The following SPMIP2 variants were observed in gnomAD, a reference collection of about 807,000 sequenced individuals.
SPMIP2 encodes sperm microtubule inner protein 2.
At chr4:158,985,921 G>A in the SPMIP2 span, among the ~76,000 whole-genome samples, 1 of 150,504 alleles carries the variant, frequency 6.6e-6, no homozygotes, top group South Asian at 2.1e-4. Context: ...AAGCTGATAA[G>A]CAACTTCAGA....
chr4:159,027,683 T>C, the SPMIP2 span, among the ~76,000 whole-genome samples: 1 of 152,218 alleles, frequency 6.6e-6, no homozygotes, highest in African/African-American at 2.4e-5. Flanking sequence ...GGCAATTCAG[T>C]GTGAAGTCAT....
At chr4:158,937,766 C>T in the SPMIP2 span, among the ~76,000 whole-genome samples, 1 of 152,166 alleles carries the variant, frequency 6.6e-6, no homozygotes, top group Non-Finnish European at 1.5e-5. Context: ...GTAATATAGA[C>T]TCATGGCAAA....
the SPMIP2 span, among the ~76,000 whole-genome samples, chr4:159,056,085 T>A: frequency 2.0e-5 from 3 of 152,134 alleles, no homozygotes; most frequent in Admixed American, 6.5e-5. Flanking sequence ...CCTCATTTCC[T>A]TTTTCACTCC....
the SPMIP2 span, among the ~76,000 whole-genome samples, chr4:158,972,165 C>T: frequency 2.0e-5 from 3 of 152,164 alleles, no homozygotes; most frequent in Admixed American, 1.3e-4. Context: ...AGTTCAAGAC[C>T]AGCCTGGCCA....
chr4:159,004,233 C>G, the SPMIP2 span, among the ~76,000 whole-genome samples: 1 of 149,192 alleles, frequency 6.7e-6, no homozygotes, highest in Non-Finnish European at 1.5e-5. Context: ...GTTGCCCAGG[C>G]CAAGCTGAGT....
At chr4:159,026,227 A>G in the SPMIP2 span, 2 of 489,552 alleles carry the variant, frequency 4.1e-6, no homozygotes, top group Non-Finnish European at 7.9e-6. Flanking sequence ...AAAAATGGGC[A>G]CAATGGCCAA....
the SPMIP2 span, among the ~76,000 whole-genome samples, chr4:158,947,661 A>G: frequency 0.36 from 55,171 of 152,014 alleles, 10,760 homozygotes; most frequent in African/African-American, 0.5. Flanking sequence ...ATCAGTATAA[A>G]GATTCAGTAA....
At chr4:159,006,162 C>T in the SPMIP2 span, among the ~76,000 whole-genome samples, 1 of 152,220 alleles carries the variant, frequency 6.6e-6, no homozygotes, top group Non-Finnish European at 1.5e-5. Context: ...AGTTTACAAA[C>T]TTGTGAAATT....
chr4:159,035,058 A>T, the SPMIP2 span: 1 of 1,613,280 alleles, frequency 6.2e-7, no homozygotes, highest in Middle Eastern at 1.6e-4. Flanking sequence ...GTTTTCCCAC[A>T]GTAGTAGATG....
the SPMIP2 span, among the ~76,000 whole-genome samples, chr4:158,896,236 C>T: frequency 6.6e-6 from 1 of 152,074 alleles, no homozygotes; most frequent in Non-Finnish European, 1.5e-5. Context: ...ATTTCACTTC[C>T]TGGAGGAGGA....
the SPMIP2 span, among the ~76,000 whole-genome samples, chr4:159,002,409 C>G: frequency 6.6e-6 from 1 of 152,042 alleles, no homozygotes; most frequent in African/African-American, 2.4e-5. Flanking sequence ...AGGTGTTACA[C>G]CTAAAAATTA....
the SPMIP2 span, among the ~76,000 whole-genome samples, chr4:159,076,641 C>T: frequency 6.6e-6 from 1 of 151,966 alleles, no homozygotes; most frequent in African/African-American, 2.4e-5. Context: ...TACTTTAAAA[C>T]ATACTTAAAC....
At chr4:158,953,817 T>C in the SPMIP2 span, among the ~76,000 whole-genome samples, 1 of 152,230 alleles carries the variant, frequency 6.6e-6, no homozygotes, top group Admixed American at 6.5e-5. Flanking sequence ...TGGAGCTTTA[T>C]AATTTGACCG....
the SPMIP2 span, among the ~76,000 whole-genome samples, chr4:159,057,576 A>G: frequency 6.6e-6 from 1 of 152,230 alleles, no homozygotes; most frequent in Non-Finnish European, 1.5e-5. Flanking sequence ...AGTCTCAAAA[A>G]TGTTCATTTT....
At chr4:158,995,682 C>A in the SPMIP2 span, among the ~76,000 whole-genome samples, 1 of 152,010 alleles carries the variant, frequency 6.6e-6, no homozygotes, top group Non-Finnish European at 1.5e-5. Flanking sequence ...CATAGTGAAA[C>A]CCTGTCTCTA....
At chr4:158,969,169 C>G in the SPMIP2 span, among the ~76,000 whole-genome samples, 2 of 152,090 alleles carry the variant, frequency 1.3e-5, no homozygotes, top group South Asian at 4.1e-4. Flanking sequence ...ATCATTTTGT[C>G]ACGAGGTCAG....
chr4:158,934,726 A>G, the SPMIP2 span, among the ~76,000 whole-genome samples: 1 of 152,068 alleles, frequency 6.6e-6, no homozygotes, highest in African/African-American at 2.4e-5. Flanking sequence ...ATACTCTGCC[A>G]CCCAAGAGAG....
the SPMIP2 span, among the ~76,000 whole-genome samples, chr4:158,946,657 C>T: frequency 6.6e-6 from 1 of 152,156 alleles, no homozygotes; most frequent in African/African-American, 2.4e-5. Flanking sequence ...TATAAATTAC[C>T]CCATCTCAGG....
chr4:159,031,718 A>G, the SPMIP2 span, among the ~76,000 whole-genome samples: 41 of 152,242 alleles, frequency 2.7e-4, no homozygotes, highest in African/African-American at 9.4e-4. Flanking sequence ...GTGAAATAAT[A>G]TGATATCTGG....
Sources: gnomAD v4.1 joint callset for allele counts (sites outside exome capture counted in the v4.1 genomes callset) on GRCh38, gnomAD v4.1.1 for gene constraint, MANE v1.5 for transcripts, NCBI Gene and HGNC (gene_info 2026-07-23, HGNC 2026-07-21) for gene names.